The following INSC variants were observed in gnomAD, a reference collection of about 807,000 sequenced individuals.
INSC encodes the protein INSC spindle orientation adaptor protein, also known as protein inscuteable homolog.
Under a neutral mutation model 58.6 loss-of-function variants are expected in INSC, and 67 were observed. The ratio of observed to expected loss-of-function variants is 1.14; its 90% confidence interval spans 0.94 to 1.40. INSC has a LOEUF of 1.40. Ranked by LOEUF, INSC falls within the 40% of genes most tolerant of loss-of-function variation. The pLI, the probability that INSC is intolerant of heterozygous loss-of-function variation, is 0.00. For synonymous variants in INSC, 262 were observed against 276.1 expected, an observed-to-expected ratio of 0.95 and a Z score of 0.51; for missense variants, 714 against 692.0, an observed-to-expected ratio of 1.03 and a Z score of -0.36.
At chr11:15,223,356 G>T (rs1316694894) in intron 8 of INSC, among the ~76,000 whole-genome samples, 1 of 152,204 alleles carries the variant, frequency 6.6e-6, no homozygotes, top group Non-Finnish European at 1.5e-5. Flanking sequence ...TCATCCTGAT[G>T]AAGATGCATT....
chr11:15,223,251 T>C (rs1275869778), intron 8 of INSC, among the ~76,000 whole-genome samples: 1 of 152,260 alleles, frequency 6.6e-6, no homozygotes, highest in Non-Finnish European at 1.5e-5. Flanking sequence ...AAAGTACATG[T>C]AGTCCAAGTG....
intron 1 of INSC, among the ~76,000 whole-genome samples, chr11:15,147,360 A>G (rs926423210): frequency 2.0e-5 from 3 of 152,158 alleles, no homozygotes; most frequent in African/African-American, 7.2e-5. Flanking sequence ...GACCTGCTGT[A>G]TCTCATTTTC....
At chr11:15,223,534 CTG>C (rs1233021346) in intron 8 of INSC, among the ~76,000 whole-genome samples, 3 of 152,192 alleles carry the variant, frequency 2.0e-5, no homozygotes, top group African/African-American at 7.2e-5. Context: ...GTGACTCAGA[CTG>C]TAGTTCAAAT....
intron 9 of INSC, among the ~76,000 whole-genome samples, chr11:15,234,815 G>T (rs1189936663): frequency 6.6e-6 from 1 of 152,050 alleles, no homozygotes; most frequent in African/African-American, 2.4e-5. Context: ...TTTGCAGTTT[G>T]GGGTCCCTGG....
intron 10 of INSC, among the ~76,000 whole-genome samples, chr11:15,236,534 C>G (rs1222065578): frequency 1.3e-5 from 2 of 152,170 alleles, no homozygotes; most frequent in Admixed American, 1.3e-4. Context: ...CCACTTGCTC[C>G]CTTGTTCCAT....
Position 15,177,093 on chromosome 11 carries a change from G to A in INSC, c.403-18G>A. On this transcript the variant is annotated intron_variant, in intron 3 of 12. Transcript: ENST00000379556. ...TAATGCTTACTGAGTTGAATAAAAT[G>A]GACTTATTTTTCTACAGATTGAGAA... The A allele has an allele frequency of 6.2e-7, 1 of 1,610,688 alleles. No individual in the cohort carries two copies. Among genetic ancestry groups the A allele is most frequent in the South Asian group, 1.1e-5 (1 of 90,986 alleles).
chr11:15,141,091 C>CATT (rs895141311), intron 1 of INSC, among the ~76,000 whole-genome samples: 125 of 152,234 alleles, frequency 8.2e-4, no homozygotes, highest in African/African-American at 2.9e-3. Context: ...TCCTCCTCCT[C>CATT]ATTATTATTA....
In INSC at chr11:15,115,423, G is replaced by A. The variant is rs192754842; in HGVS notation, c.-46+420G>A. On this transcript the variant is annotated intron_variant, in intron 1 of 12. Coordinates refer to ENST00000379556, the MANE Select transcript of INSC (RefSeq NM_001042536.3). ...TGAACCCAGGAAGGCAGAAATTGGG[G>A]CTAGGGAGTGTTATCTGAACTCAGG... Among the ~76,000 whole-genome samples, 147 of 152,320 alleles carry A rather than the reference G, an allele frequency of 9.7e-4. 1 individual carries two copies. Among genetic ancestry groups the A allele is most frequent in the Middle Eastern group, 6.8e-3 (2 of 294 alleles).
chr11:15,154,306 T>A (rs1848740211), intron 2 of INSC, among the ~76,000 whole-genome samples: 1 of 152,216 alleles, frequency 6.6e-6, no homozygotes, highest in Non-Finnish European at 1.5e-5. Context: ...GAAATTAAAT[T>A]AAGTAGCTTG....
At chr11:15,226,874 C>T (rs1028474048) in intron 9 of INSC, among the ~76,000 whole-genome samples, 2 of 152,174 alleles carry the variant, frequency 1.3e-5, no homozygotes, top group Non-Finnish European at 2.9e-5. Context: ...GATCCATGTT[C>T]CCTAGGATTT....
intron 10 of INSC, 124 bp downstream of exon 10, chr11:15,235,792 A>G: frequency 1.2e-6 from 1 of 850,478 alleles, no homozygotes; most frequent in South Asian, 1.3e-5. Context: ...CGCAGGAATC[A>G]TGCCTGTAAT....
chr11:15,235,521 C>T (rs970444345), intron 9 of INSC, 81 bp from the exon 10 acceptor site: 48 of 1,043,900 alleles, frequency 4.6e-5, no homozygotes, highest in South Asian at 3.0e-4. Flanking sequence ...AGCTTTGTAG[C>T]CCCTGGCTGA....
Position 15,136,335 on chromosome 11 carries a change from T to C in INSC, c.-45-12795T>C, listed in dbSNP as rs145883787. Reference sequence around the variant, plus strand: ...TTTGCTGGTGGAGAGTCTTGCCTGATGTTGATGTCTGCTGACTAATCAGGG... The same window carrying C: ...TTTGCTGGTGGAGAGTCTTGCCTGACGTTGATGTCTGCTGACTAATCAGGG... On this transcript the variant is annotated intron_variant, in intron 1 of 12. Coordinates refer to ENST00000379556, the MANE Select transcript of INSC (RefSeq NM_001042536.3). 6.8e-3 allele frequency among the ~76,000 whole-genome samples: 1,030 copies of C among 152,286 alleles called. 9 individuals carry two copies. Among genetic ancestry groups the C allele is most frequent in the African/African-American group, 0.024 (1,004 of 41,564 alleles).
chr11:15,153,923 A>C (rs1353153702), intron 2 of INSC, among the ~76,000 whole-genome samples: 1 of 152,204 alleles, frequency 6.6e-6, no homozygotes, highest in Non-Finnish European at 1.5e-5. Context: ...TAATGCTGTC[A>C]CTCAGCCTTC....
intron 2 of INSC, among the ~76,000 whole-genome samples, chr11:15,160,354 T>C (rs1848974766): frequency 6.6e-6 from 1 of 152,052 alleles, no homozygotes; most frequent in Non-Finnish European, 1.5e-5. Flanking sequence ...GTAGCAGGAC[T>C]GAAATAACTC....
chr11:15,256,349 T>C, the INSC span, among the ~76,000 whole-genome samples: 1 of 152,188 alleles, frequency 6.6e-6, no homozygotes, highest in Non-Finnish European at 1.5e-5. Flanking sequence ...TACTTATACT[T>C]CTAAAGTACT....
At position 15,246,158 on chromosome 11, in the gene INSC, T is replaced by TCACACAAAAATAAG; in HGVS notation, c.*118_*119insCACACAAAAATAAG. 8.9e-7 allele frequency: 1 copy of TCACACAAAAATAAG among 1,117,830 alleles called. No homozygotes were observed. The highest frequency in any genetic ancestry group is 1.2e-6 in the Non-Finnish European group (1 of 804,332). 69.2% of individuals were successfully genotyped at this position (1,117,830 alleles called of 1,614,324 possible). On this transcript the variant is annotated 3_prime_UTR_variant, in exon 13 of 13. Transcript: ENST00000379556. ...TCTTCTTATTTATACTTAACTTATT[T>TCACACAAAAATAAG]TTGTGTGAAATAAATGGAGGACAAA...
rs531439483 is a variant in INSC, at chr11:15,209,333, A to T, written c.819+8384A>T. Among the ~76,000 whole-genome samples the T allele has an allele frequency of 4.6e-5, 7 of 152,348 alleles. No homozygotes were observed. The South Asian group carries it at 1.5e-3, about 32-fold the overall frequency. ...CCTTGCAGGTTGTGAAGATGATACA[A>T]GTCAATGCTCCATAGATGTGAGTTA... On this transcript the variant is annotated intron_variant, in intron 7 of 12. Transcript: ENST00000379556.
the INSC span, among the ~76,000 whole-genome samples, chr11:15,261,797 G>T: frequency 1.3e-5 from 2 of 152,104 alleles, no homozygotes; most frequent in Non-Finnish European, 2.9e-5. Context: ...TCTCAGAAAA[G>T]AAATTAGCAA....
Sources: allele counts gnomAD v4.1 joint callset (sites outside exome capture counted in the v4.1 genomes callset), GRCh38; gene constraint gnomAD v4.1.1; transcripts MANE v1.5; gene names NCBI Gene and HGNC (gene_info 2026-07-23, HGNC 2026-07-21).